The following CABCOCO1 variants were observed in gnomAD, a reference collection of about 807,000 sequenced individuals.
CABCOCO1 encodes ciliary-associated calcium-binding coiled-coil protein 1.
A neutral mutation model predicts 35.7 loss-of-function variants in CABCOCO1; 28 were observed. That is an observed-to-expected ratio of 0.78 (90% CI 0.58 to 1.07). CABCOCO1 has a LOEUF of 1.07. Among genes scored for constraint, CABCOCO1 ranks in the 50% least tolerant of loss-of-function variants. The pLI is 0.00. For synonymous variants in CABCOCO1, 95 were observed against 100.1 expected, an observed-to-expected ratio of 0.95 and a Z score of 0.30; for missense variants, 326 against 309.2, an observed-to-expected ratio of 1.05 and a Z score of -0.41.
intron 5 of CABCOCO1, among the ~76,000 whole-genome samples, chr10:61,730,076 C>T (rs1841265473): frequency 2.6e-5 from 4 of 151,758 alleles, no homozygotes; most frequent in African/African-American, 4.8e-5. Context: ...TCTCATGTTG[C>T]GTTCTCACCA....
At chr10:61,703,175 T>C (rs1840503013) in intron 5 of CABCOCO1, among the ~76,000 whole-genome samples, 1 of 150,934 alleles carries the variant, frequency 6.6e-6, no homozygotes, top group Non-Finnish European at 1.5e-5. Context: ...ATTTCAAGAT[T>C]TGCATGCCTG....
chr10:61,673,064 A>C (rs976318521), intron 2 of CABCOCO1, among the ~76,000 whole-genome samples: 1 of 152,180 alleles, frequency 6.6e-6, no homozygotes, highest in Non-Finnish European at 1.5e-5. Context: ...AACTTAAAGA[A>C]TGTTCTCCCT....
intron 5 of CABCOCO1, among the ~76,000 whole-genome samples, chr10:61,709,489 T>C (rs1041315447): frequency 6.6e-6 from 1 of 151,990 alleles, no homozygotes; most frequent in Admixed American, 6.6e-5. Flanking sequence ...GCCATAGCCA[T>C]AAAAACTCAG....
chr10:61,711,377 T>TGACCA (rs1174521560), intron 5 of CABCOCO1, among the ~76,000 whole-genome samples: 3 of 151,934 alleles, frequency 2.0e-5, no homozygotes, highest in Non-Finnish European at 4.4e-5. Context: ...AGGGCAAATA[T>TGACCA]GACCAGTGAG....
chr10:61,720,914 A>ATTTTTTTTTTTTTTTTTT (rs1840992456), intron 5 of CABCOCO1, among the ~76,000 whole-genome samples: 3 of 60,282 alleles, frequency 5.0e-5, no homozygotes, highest in Non-Finnish European at 8.1e-5. Flanking sequence ...TTTTCTTTTC[A>ATTTTTTTTTTTTTTTTTT]TTCTTTTTTT....
At chr10:61,738,635 C>CA (rs1280497057) in intron 5 of CABCOCO1, among the ~76,000 whole-genome samples, 3 of 151,924 alleles carry the variant, frequency 2.0e-5, no homozygotes, top group Non-Finnish European at 4.4e-5. Flanking sequence ...TTTGTCTTCT[C>CA]AAAAAAATAT....
rs909650903 is a variant in CABCOCO1, at chr10:61,740,868, C to T, written c.553-19191C>T. On this transcript the variant is annotated intron_variant, in intron 5 of 7. Transcript: ENST00000648843. The stretch of plus-strand genomic sequence containing the variant: ...TAAAGTAGGAATCCAATAAGAGGGC[C>T]GGGTGCAGTGGCTCATGCCTGTAAT... Among the ~76,000 whole-genome samples, 8 of 152,210 alleles carry T rather than the reference C, an allele frequency of 5.3e-5. No individual in the cohort carries two copies. The East Asian group carries it at 1.2e-3, about 22-fold the overall frequency.
At chr10:61,682,402 A>G (rs1216488058) in intron 3 of CABCOCO1, among the ~76,000 whole-genome samples, 2 of 152,182 alleles carry the variant, frequency 1.3e-5, no homozygotes, top group African/African-American at 4.8e-5. Context: ...ACTTATAGTC[A>G]TCATTAGGAA....
intron 5 of CABCOCO1, among the ~76,000 whole-genome samples, chr10:61,750,444 C>T (rs1033948941): frequency 6.6e-6 from 1 of 152,022 alleles, no homozygotes; most frequent in Non-Finnish European, 1.5e-5. Flanking sequence ...AGCGTGGTGG[C>T]GGGTACCTGT....
At chr10:61,764,219 G>T (rs924735489) in intron 7 of CABCOCO1, among the ~76,000 whole-genome samples, 2 of 152,022 alleles carry the variant, frequency 1.3e-5, no homozygotes, top group African/African-American at 4.8e-5. Flanking sequence ...AATTGAAAGT[G>T]GGAAGAATCG....
At chr10:61,721,762 T>C (rs948969000) in intron 5 of CABCOCO1, among the ~76,000 whole-genome samples, 6 of 152,158 alleles carry the variant, frequency 3.9e-5, no homozygotes, top group African/African-American at 1.2e-4. Context: ...ATGCATTCCA[T>C]AGAATTCAGT....
chr10:61,763,225 T>C (rs1842044081), intron 7 of CABCOCO1, among the ~76,000 whole-genome samples: 1 of 152,158 alleles, frequency 6.6e-6, no homozygotes, highest in Admixed American at 6.6e-5. Context: ...TTAAGTACAG[T>C]TGTTTTCAAA....
At chr10:61,732,375 T>C (rs1456220630) in intron 5 of CABCOCO1, among the ~76,000 whole-genome samples, 1 of 152,058 alleles carries the variant, frequency 6.6e-6, no homozygotes, top group Admixed American at 6.6e-5. Context: ...ATGTCTAATC[T>C]AGAATGCAGG....
At chr10:61,738,588 T>C (rs1157502056) in intron 5 of CABCOCO1, among the ~76,000 whole-genome samples, 4 of 152,190 alleles carry the variant, frequency 2.6e-5, no homozygotes, top group Non-Finnish European at 5.9e-5. Flanking sequence ...CAAAACATCT[T>C]AATGATAAGT....
intron 5 of CABCOCO1, among the ~76,000 whole-genome samples, chr10:61,746,385 C>T (rs1324003697): frequency 5.3e-5 from 8 of 152,034 alleles, no homozygotes; most frequent in African/African-American, 1.2e-4. Context: ...TAAAAAACTT[C>T]GCAGTTGTTT....
chr10:61,682,524 T>A, intron 3 of CABCOCO1, among the ~76,000 whole-genome samples: 1 of 152,134 alleles, frequency 6.6e-6, no homozygotes, highest in East Asian at 1.9e-4. Context: ...CCTAGATGGA[T>A]CCCCCTGGTG....
intron 5 of CABCOCO1, among the ~76,000 whole-genome samples, chr10:61,724,347 A>C (rs1841093839): frequency 6.6e-6 from 1 of 152,182 alleles, no homozygotes; most frequent in Non-Finnish European, 1.5e-5. Flanking sequence ...TTATTCTTTC[A>C]TCTGGAGAAA....
chr10:61,680,460 CAT>C (rs1168781653), intron 2 of CABCOCO1, among the ~76,000 whole-genome samples: 3 of 21,130 alleles, frequency 1.4e-4, no homozygotes, highest in Admixed American at 4.8e-4. Context: ...TTATATATAA[CAT>C]ATATAATATA....
In CABCOCO1 at chr10:61,672,616, C is replaced by T; in HGVS notation, c.61-16C>T. 1.4e-6 allele frequency: 1 copy of T among 702,040 alleles called. No homozygotes were observed. Among genetic ancestry groups the T allele is most frequent in the Non-Finnish European group, 1.7e-6 (1 of 571,444 alleles). The allele number at this position is 702,040 out of a possible 1,614,324, so 43.5% of individuals were successfully genotyped here. A position where few individuals can be genotyped will look rare whatever the true frequency, so the allele number is the denominator to read the frequency against. On this transcript the variant is annotated splice_polypyrimidine_tract_variant and intron_variant, in intron 1 of 7. Coordinates refer to ENST00000648843, the MANE Select transcript of CABCOCO1 (RefSeq NM_001366906.2). ...CGTACAATTAAAGTAACTCACTCCA[C>T]ATTGTGTTTTGGTAGAGAGACACTG... is the stretch of plus-strand genomic sequence containing the variant.
Sources: gnomAD v4.1 joint callset for allele counts (sites outside exome capture counted in the v4.1 genomes callset) on GRCh38, gnomAD v4.1.1 for gene constraint, MANE v1.5 for transcripts, NCBI Gene and HGNC (gene_info 2026-07-23, HGNC 2026-07-21) for gene names.